Variants in C21orf58 observed in about 807,000 individuals in gnomAD.
C21orf58 encodes chromosome 21 open reading frame 58, also known as uncharacterized protein C21orf58.
In C21orf58, 34 loss-of-function variants were observed where a neutral mutation model predicts 35.8. The observed-to-expected ratio is 0.95, with a 90% CI of 0.72 to 1.26. The LOEUF (loss-of-function observed/expected upper bound fraction) is 1.26. C21orf58 is among the 50% of genes most tolerant of loss of function. The probability of loss-of-function intolerance (pLI) is 0.00; values close to 1 mark genes in which losing one functional copy is unlikely to be tolerated. For synonymous variants in C21orf58, 191 were observed against 175.8 expected (o/e 1.09, Z -0.68); for missense variants, 440 against 414.3 (o/e 1.06, Z -0.54).
chr21:46,303,727 ATATATATATATATATATATTT>A lies in C21orf58; in HGVS notation c.722-1172_722-1152del, dbSNP rs1569116158. Among the ~76,000 whole-genome samples, 57 of 26,610 alleles carry A rather than the reference ATATATATATATATATATATTT, an allele frequency of 2.1e-3. 2 individuals carry two copies. The highest frequency in any genetic ancestry group is 8.3e-3 in the African/African-American group (52 of 6,242). 17.5% of individuals were successfully genotyped at this position (26,610 alleles called of 152,430 possible). ...ACACAAAATATATATATATATATAT[ATATATATATATATATATATTT>A]TTTTTTTTTTTTTTTTTTTTGGAGA... is the stretch of plus-strand genomic sequence containing the variant. On this transcript the variant is annotated intron_variant, in intron 6 of 7. Coordinates refer to ENST00000291691, the MANE Select transcript of C21orf58 (RefSeq NM_058180.5).
chr21:46,307,276 T>TGCTGGGATGACAGGCATGA (rs1485149647), intron 6 of C21orf58, among the ~76,000 whole-genome samples: 2 of 152,160 alleles, frequency 1.3e-5, no homozygotes, highest in African/African-American at 4.8e-5. Flanking sequence ...CCTCCCAAAG[T>TGCTGGGATGACAGGCATGA]GCTGGGATGA....
At chr21:46,300,447 T>C (rs2082075073), downstream of C21orf58, 1 of 214,852 alleles carries the variant, frequency 4.7e-6, no homozygotes, top group East Asian at 1.4e-4. Flanking sequence ...AAAACATTTT[T>C]AATAGAAAGA....
At position 46,317,243 on chromosome 21, in the gene C21orf58, A is replaced by G. The variant is rs2083006611; in HGVS notation, c.335T>C (p.Val112Ala). ...GTGGAGGCCCTCAGGTCCCCCTTCC[A>G]CGTTCTGCCGTTCTTGCTCCAGCTT... is the stretch of plus-strand genomic sequence containing the variant. ...GQKLEQERQN[V>A]EGGPEGLHLE... is the part of the protein sequence containing the mutation. The change falls in exon 3 of 8, where the codon GTG becomes GCG. Residue 112 changes from valine (V) to alanine (A), a missense_variant. By Grantham distance (64) the Val-to-Ala change is moderately conservative (BLOSUM62 0). Transcript: ENST00000291691. The G allele has an allele frequency of 6.2e-7, 1 of 1,611,758 alleles. No homozygotes were observed. Among genetic ancestry groups the G allele is most frequent in the East Asian group, 2.2e-5 (1 of 44,836 alleles).
At position 46,302,117 on chromosome 21, in the gene C21orf58, G is replaced by A; in HGVS notation, c.851C>T (p.Ala284Val). Residue 284 changes from alanine (A) to valine (V), a missense_variant, in exon 8 of 8, where the codon GCC (alanine) becomes GTC (valine). By Grantham distance (64) the Ala-to-Val change is moderately conservative. Transcript: ENST00000291691. ...PHVPPRVPRA[A>V]RPRLPAVHHH... ...GTGCACGGCAGGCAGCCTTGGCCTG[G>A]CAGCTCGTGGGACCCTCGGGGGCAC... is the stretch of plus-strand genomic sequence containing the variant. 2.0e-6 allele frequency: 3 copies of A among 1,523,158 alleles called. No individual in the cohort carries two copies. Among genetic ancestry groups the A allele is most frequent in the South Asian group, 1.2e-5 (1 of 82,028 alleles). 94.4% of individuals were successfully genotyped at this position (1,523,158 alleles called of 1,614,324 possible). A position where few individuals can be genotyped will look rare whatever the true frequency, so the allele number is the denominator to read the frequency against.
At position 46,322,830 on chromosome 21, in the gene C21orf58, AG is replaced by A; in HGVS notation, c.-93del. Reference sequence around the variant, plus strand: ...CCAGGGCTTCCTGAGGGCGCGTTTAAGTTGCAGTTGCTGAGGAGGCTGCAAG... The same window carrying A: ...CCAGGGCTTCCTGAGGGCGCGTTTAATTGCAGTTGCTGAGGAGGCTGCAAG... On this transcript the variant is annotated 5_prime_UTR_variant, in exon 1 of 8. The change creates a premature stop within an existing upstream ORF in the 5' untranslated region. Transcript: ENST00000291691. 1.2e-6 allele frequency: 1 copy of A among 846,156 alleles called. No homozygotes were observed. Among genetic ancestry groups the A allele is most frequent in the Non-Finnish European group, 1.7e-6 (1 of 596,748 alleles). The allele number at this position is 846,156 out of a possible 1,614,324, so 52.4% of individuals were successfully genotyped here.
chr21:46,309,354 T>G lies in C21orf58; in HGVS notation c.721+2102A>C, dbSNP rs566527476. 1.9e-4 allele frequency among the ~76,000 whole-genome samples: 29 copies of G among 150,016 alleles called. 1 individual carries two copies. In the South Asian group the frequency reaches 5.7e-3, roughly 29 times the overall value. On this transcript the variant is annotated intron_variant, in intron 6 of 7. Transcript: ENST00000291691. ...GCAGGCGCCTGTAATCCCAGCTACT[T>G]GGGAGGCTGAGGCAGGAGAATCGCT... is the stretch of plus-strand genomic sequence containing the variant.
At chr21:46,318,627 G>C (rs1217043412) in intron 1 of C21orf58, 1 of 1,096,810 alleles carries the variant, frequency 9.1e-7, no homozygotes, top group Non-Finnish European at 1.1e-6. Context: ...GGGAAGACAG[G>C]GTGGGGAGAC....
intron 1 of C21orf58, among the ~76,000 whole-genome samples, chr21:46,319,637 G>A (rs2052987800): frequency 6.6e-6 from 1 of 152,192 alleles, no homozygotes; most frequent in African/African-American, 2.4e-5. Flanking sequence ...GGTGGCTCAT[G>A]CCTGTAATCC....
rs1601624306 is a variant in C21orf58, at chr21:46,302,512, C to T, written c.786G>A (p.Met262Ile). 1.1e-5 allele frequency: 17 copies of T among 1,612,170 alleles called. No individual in the cohort carries two copies. The highest frequency in any genetic ancestry group is 1.4e-5 in the Non-Finnish European group (17 of 1,179,160). ...GCAGGGCTGGGGGCAGGGCCTTGAG[C>T]ATCCAGTTCTGCAGGACCAACTGGT... ...QVHQLVLQNW[M>I]LKALPPALQD... Residue 262 changes from methionine (M) to isoleucine (I), a missense_variant, in exon 7 of 8, where the codon ATG becomes ATA. Physicochemically the swap from Met to Ile is conservative, Grantham distance 10. Transcript: ENST00000291691.
chr21:46,315,083 AGTT>A, intron 4 of C21orf58: 1 of 1,428,626 alleles, frequency 7.0e-7, no homozygotes, highest in Non-Finnish European at 9.3e-7. Flanking sequence ...GCTAGTTTCC[AGTT>A]GTTTTCTTTT....
At chr21:46,315,809 G>A (rs1227427694) in intron 3 of C21orf58, among the ~76,000 whole-genome samples, 2 of 152,150 alleles carry the variant, frequency 1.3e-5, no homozygotes, top group Non-Finnish European at 2.9e-5. Context: ...ATTCCTGGAA[G>A]GGAGGCTGAA....
At chr21:46,310,767 G>A (rs568808196) in intron 6 of C21orf58, among the ~76,000 whole-genome samples, 2 of 151,922 alleles carry the variant, frequency 1.3e-5, no homozygotes, top group East Asian at 3.9e-4. Flanking sequence ...CTGAGATCAT[G>A]CCATTGTATT....
At chr21:46,312,927 T>C in intron 5 of C21orf58, 11 of 902,400 alleles carry the variant, frequency 1.2e-5, no homozygotes, top group Non-Finnish European at 1.5e-5. Flanking sequence ...AAATGAACTT[T>C]GGTTTCTCCT....
chr21:46,314,720 G>A lies in C21orf58; in HGVS notation c.605C>T (p.Pro202Leu), dbSNP rs149876945. ...LAPDPPRIIL[P>L]TVPQPPATII... ...TCCTCGACTTCGCCCTCTTACCGTA[G>A]GCAGGATGATCCTTGGCGGGTCTGG... Residue 202 changes from proline (P) to leucine (L), a missense_variant, in exon 5 of 8, where the codon CCT becomes CTT. Pro to Leu is a moderately conservative substitution (Grantham distance 98). Coordinates refer to ENST00000291691, the MANE Select transcript of C21orf58 (RefSeq NM_058180.5). 1.0e-5 allele frequency: 15 copies of A among 1,463,598 alleles called. No individual in the cohort carries two copies. The highest frequency in any genetic ancestry group is 1.4e-5 in the South Asian group (1 of 70,864). 90.7% of individuals were successfully genotyped at this position (1,463,598 alleles called of 1,614,324 possible). A position where few individuals can be genotyped will look rare whatever the true frequency, so the allele number is the denominator to read the frequency against.
chr21:46,308,481 C>T (rs2082525853), intron 6 of C21orf58, among the ~76,000 whole-genome samples: 2 of 152,040 alleles, frequency 1.3e-5, no homozygotes, highest in South Asian at 4.2e-4. Flanking sequence ...AGTTAAATCT[C>T]ATATGATTCA....
intron 1 of C21orf58, among the ~76,000 whole-genome samples, chr21:46,321,466 T>C (rs118063718): frequency 6.6e-6 from 1 of 152,238 alleles, no homozygotes; most frequent in Non-Finnish European, 1.5e-5. Context: ...GTGGTATCCA[T>C]CAGAACACCC....
chr21:46,301,443 T>TAC lies in C21orf58; in HGVS notation c.*554_*555dup. 2.0e-6 allele frequency: 2 copies of TAC among 976,332 alleles called. No individual in the cohort carries two copies. Among genetic ancestry groups the TAC allele is most frequent in the Non-Finnish European group, 2.4e-6 (2 of 822,950 alleles). 60.5% of individuals were successfully genotyped at this position (976,332 alleles called of 1,614,324 possible). On this transcript the variant is annotated 3_prime_UTR_variant, in exon 8 of 8. Transcript: ENST00000291691. ...ATTACAGGCATGAGCCATGCACCCC[T>TAC]ACTTCTTTAGTGGGAGTCTGTGCCA...
intron 7 of C21orf58, 45 bp downstream of exon 7, chr21:46,302,439 AG>A (rs774847130): frequency 6.9e-7 from 1 of 1,443,698 alleles, no homozygotes; most frequent in East Asian, 2.4e-5. Flanking sequence ...AAAACCACCC[AG>A]GCCCTGTTTC....
intron 6 of C21orf58, among the ~76,000 whole-genome samples, chr21:46,308,188 C>T (rs1002351053): frequency 6.6e-6 from 1 of 152,052 alleles, no homozygotes; most frequent in Non-Finnish European, 1.5e-5. Flanking sequence ...GCTGCCCAGG[C>T]GCGGTGGCTC....
Sources: gnomAD v4.1 joint callset for allele counts (sites outside exome capture counted in the v4.1 genomes callset) on GRCh38, gnomAD v4.1.1 for gene constraint, MANE v1.5 for transcripts, NCBI Gene and HGNC (gene_info 2026-07-23, HGNC 2026-07-21) for gene names.